AFG3L2: variants seen among roughly 807,000 people sequenced by gnomAD.
The protein encoded by AFG3L2 is mitochondrial inner membrane m-AAA protease component AFG3L2.
In AFG3L2, 54 loss-of-function variants were observed where a neutral mutation model predicts 94.5. The observed-to-expected ratio is 0.57, with a 90% CI of 0.46 to 0.72. The LOEUF (loss-of-function observed/expected upper bound fraction) is 0.72. Among genes scored for constraint, AFG3L2 ranks in the 30% least tolerant of loss-of-function variants. The pLI, the probability that AFG3L2 is intolerant of heterozygous loss-of-function variation, is 0.00. For missense variants in AFG3L2, 754 were observed against 994.9 expected, an observed-to-expected ratio of 0.76 and a Z score of 3.26; for synonymous variants, 377 against 365.5, an observed-to-expected ratio of 1.03 and a Z score of -0.36.
chr18:12,363,773 A>G lies in AFG3L2; in HGVS notation c.627+9T>C. 6.2e-7 allele frequency: 1 copy of G among 1,606,930 alleles called. No individual in the cohort carries two copies. The highest frequency in any genetic ancestry group is 8.5e-7 in the Non-Finnish European group (1 of 1,174,926). On this transcript the variant is annotated intron_variant, in intron 6 of 16. Transcript: ENST00000269143. ...CAACTAATTCACATCAATTAATAAA[A>G]TGATTTACCCCATCAACAGGAGTTT...
At chr18:12,345,224 G>C (rs1201727058) in intron 13 of AFG3L2, among the ~76,000 whole-genome samples, 1 of 152,224 alleles carries the variant, frequency 6.6e-6, no homozygotes, top group Non-Finnish European at 1.5e-5. Flanking sequence ...GGGCCCACAA[G>C]ACCCGTGCTG....
chr18:12,375,362 G>GC (rs564267303), intron 1 of AFG3L2, among the ~76,000 whole-genome samples: 26 of 146,606 alleles, frequency 1.8e-4, no homozygotes, highest in African/African-American at 6.3e-4. Flanking sequence ...ACCCGCCTTG[G>GC]CCCCCCGAGT....
chr18:12,374,543 G>A (rs1328448112), intron 1 of AFG3L2, among the ~76,000 whole-genome samples: 1 of 152,186 alleles, frequency 6.6e-6, no homozygotes. Context: ...GTACCAAAGA[G>A]TATGTATCAG....
intron 7 of AFG3L2, 76 bp downstream of exon 7, chr18:12,359,851 C>T: frequency 6.3e-7 from 1 of 1,584,812 alleles, no homozygotes; most frequent in Non-Finnish European, 8.7e-7. Flanking sequence ...ATGTATAGCC[C>T]TGCACCCAGG....
At position 12,377,060 on chromosome 18, in the gene AFG3L2, A is replaced by C. The variant is rs1053593126; in HGVS notation, c.23T>G (p.Leu8Arg). Residue 8 changes from leucine (L) to arginine (R), a missense_variant, in exon 1 of 17, where the codon CTG becomes CGG. Leu to Arg is a moderately radical substitution (Grantham distance 102). Around this residue, in one of 4 missense-constraint regions of AFG3L2, gnomAD observed 236 missense variants for 214.0 expected, o/e 1.10. Coordinates refer to ENST00000269143, the MANE Select transcript of AFG3L2 (RefSeq NM_006796.3). Reference sequence around the variant, plus strand: ...GGGCCAGCAGCCGCCCCGGCCCCACAGCCGCAAACAGCGGTGCGCCATGGC... The same window carrying C: ...GGGCCAGCAGCCGCCCCGGCCCCACCGCCGCAAACAGCGGTGCGCCATGGC... MAHRCLR[L>R]WGRGGCWPRG... 7.0e-7 allele frequency: 1 copy of C among 1,433,134 alleles called. No individual in the cohort carries two copies. Among genetic ancestry groups the C allele is most frequent in the African/African-American group, 1.5e-5 (1 of 67,316 alleles). 88.8% of individuals were successfully genotyped at this position (1,433,134 alleles called of 1,614,324 possible). A position where few individuals can be genotyped will look rare whatever the true frequency, so the allele number is the denominator to read the frequency against.
At chr18:12,364,140 G>C (rs1461376102) in intron 5 of AFG3L2, among the ~76,000 whole-genome samples, 1 of 152,112 alleles carries the variant, frequency 6.6e-6, no homozygotes, top group African/African-American at 2.4e-5. Flanking sequence ...ATTCCCTTCT[G>C]CCTGTTTTTA....
rs951519155 is a variant in AFG3L2 at position 12,329,279 on chromosome 18, C to T, written c.*286G>A. On this transcript the variant is annotated 3_prime_UTR_variant, in exon 17 of 17. Coordinates refer to ENST00000269143, the MANE Select transcript of AFG3L2 (RefSeq NM_006796.3). ...GGTCAGCCGACCCCACTTGGTGCCA[C>T]AGGGTCCAGCCTCGGCCACTCTGGG... 5.7e-6 allele frequency: 4 copies of T among 699,330 alleles called. No individual in the cohort carries two copies. The Admixed American group carries it at 8.0e-5, about 14-fold the overall frequency. 43.3% of individuals were successfully genotyped at this position (699,330 alleles called of 1,614,324 possible). A position where few individuals can be genotyped will look rare whatever the true frequency, so the allele number is the denominator to read the frequency against.
chr18:12,347,733 T>C (rs1908190528), intron 13 of AFG3L2, among the ~76,000 whole-genome samples: 1 of 152,032 alleles, frequency 6.6e-6, no homozygotes. Context: ...GTATTTTTAG[T>C]AGAGATGGGG....
intron 1 of AFG3L2, among the ~76,000 whole-genome samples, chr18:12,373,905 C>T (rs1311682416): frequency 6.6e-6 from 1 of 152,190 alleles, no homozygotes; most frequent in African/African-American, 2.4e-5. Flanking sequence ...CCAAACACCT[C>T]CCACTGGGCC....
chr18:12,346,679 A>G (rs1047994972), intron 13 of AFG3L2, among the ~76,000 whole-genome samples: 12 of 152,100 alleles, frequency 7.9e-5, no homozygotes, highest in African/African-American at 2.9e-4. Context: ...CGAGGCAGGC[A>G]GATCACCTGA....
intron 16 of AFG3L2, chr18:12,337,101 T>C (rs1907766405): frequency 8.2e-6 from 5 of 609,790 alleles, no homozygotes; most frequent in Non-Finnish European, 1.5e-5. Context: ...ACAGACTTCA[T>C]TAATCATTCA....
chr18:12,334,093 C>A (rs1182460365), intron 16 of AFG3L2, among the ~76,000 whole-genome samples: 1 of 152,218 alleles, frequency 6.6e-6, no homozygotes, highest in African/African-American at 2.4e-5. Context: ...CTCAGGTACA[C>A]ACTCCCTGCC....
chr18:12,352,809 T>C (rs559415554), intron 10 of AFG3L2, among the ~76,000 whole-genome samples, 196 bp downstream of exon 10: 2 of 152,070 alleles, frequency 1.3e-5, no homozygotes, highest in Non-Finnish European at 2.9e-5. Context: ...GACTCTCATT[T>C]TGGGGACATG....
At chr18:12,359,836 ATATAATG>A in intron 7 of AFG3L2, 84 bp downstream of exon 7, 1 of 1,535,686 alleles carries the variant, frequency 6.5e-7, no homozygotes, top group South Asian at 1.1e-5. Flanking sequence ...CTGTTTGAGA[ATATAATG>A]TATAGCCCTG....
chr18:12,356,153 A>AAT (rs1908487785), intron 9 of AFG3L2, among the ~76,000 whole-genome samples: 2 of 141,432 alleles, frequency 1.4e-5, no homozygotes. Flanking sequence ...ATAAAGCAAA[A>AAT]TTTTTTTTTT....
chr18:12,346,768 G>C (rs1301550410), intron 13 of AFG3L2, among the ~76,000 whole-genome samples: 1 of 152,044 alleles, frequency 6.6e-6, no homozygotes, highest in East Asian at 1.9e-4. Flanking sequence ...GCCAGGCGTG[G>C]TGGCACGCAC....
At position 12,377,095 on chromosome 18, in the gene AFG3L2, G is replaced by T; in HGVS notation, c.-13C>A. On this transcript the variant is annotated 5_prime_UTR_variant, in exon 1 of 17. Transcript: ENST00000269143. Reference sequence around the variant, plus strand: ...AGCGGTGCGCCATGGCCGCCGCCGTGGCCCTCTCGGCCCGGGACGCTGCGC... The same window carrying T: ...AGCGGTGCGCCATGGCCGCCGCCGTTGCCCTCTCGGCCCGGGACGCTGCGC... 7.2e-7 allele frequency: 1 copy of T among 1,395,386 alleles called. No homozygotes were observed. Among genetic ancestry groups the T allele is most frequent in the Non-Finnish European group, 9.3e-7 (1 of 1,071,908 alleles). 86.4% of individuals were successfully genotyped at this position (1,395,386 alleles called of 1,614,324 possible). A position where few individuals can be genotyped will look rare whatever the true frequency, so the allele number is the denominator to read the frequency against.
At chr18:12,375,726 T>C (rs1351125962) in intron 1 of AFG3L2, among the ~76,000 whole-genome samples, 1 of 152,158 alleles carries the variant, frequency 6.6e-6, no homozygotes, top group African/African-American at 2.4e-5. Flanking sequence ...TTTGTATTTT[T>C]AGTAGAGATG....
rs1908993994 is a variant in AFG3L2, at chr18:12,371,631, T to C, written c.175A>G (p.Ile59Val). 1.2e-6 allele frequency: 2 copies of C among 1,614,098 alleles called. No homozygotes were observed. The highest frequency in any genetic ancestry group is 1.3e-5 in the African/African-American group (1 of 75,064). Residue 59 changes from isoleucine to valine, a missense_variant, in exon 2 of 17, where the codon ATT becomes GTT. By Grantham distance (29) the Ile-to-Val change is conservative. Transcript: ENST00000269143. ...GAACAGAATCTTTGATAAGCAGCAA[T>C]TATATCTGTCAAAAGAGAATTTCTG... is the stretch of plus-strand genomic sequence containing the variant. ...ASRNSLLTDI[I>V]AAYQRFCSRP...
Sources: allele counts gnomAD v4.1 joint callset (sites outside exome capture counted in the v4.1 genomes callset), GRCh38; gene constraint gnomAD v4.1.1; regional missense constraint gnomAD v4.1.1; transcripts MANE v1.5; gene names NCBI Gene and HGNC (gene_info 2026-07-23, HGNC 2026-07-21).